Variants in NLGN4X observed in about 807,000 individuals in gnomAD.
NLGN4X encodes neuroligin 4 X-linked.
Under a neutral mutation model 40.3 loss-of-function variants are expected in NLGN4X, and 3 were observed. The observed-to-expected ratio is 0.07, with a 90% CI of 0.03 to 0.19. The LOEUF (loss-of-function observed/expected upper bound fraction) is 0.19, where lower values mean the gene tolerates loss of function less well. NLGN4X is among the 10% of genes least tolerant of loss of function. The pLI, the probability that NLGN4X is intolerant of heterozygous loss-of-function variation, is 1.00. For synonymous variants in NLGN4X, 270 were observed against 306.8 expected (o/e 0.88, Z 1.25); for missense variants, 382 against 708.3 (o/e 0.54, Z 5.23).
chrX:6,086,558 A>G (rs774897993), intron 2 of NLGN4X, among the ~76,000 whole-genome samples: 3 of 112,015 alleles, frequency 2.7e-5, no homozygotes, highest in Non-Finnish European at 5.6e-5. Flanking sequence ...ACAATCCATC[A>G]ATCTTTCTCC....
chrX:5,911,744 C>T (rs2032486486), intron 3 of NLGN4X, among the ~76,000 whole-genome samples: 1 of 112,074 alleles, frequency 8.9e-6, no homozygotes, highest in African/African-American at 3.2e-5. Context: ...TTGAAACCAC[C>T]TTTGCAAAAC....
At chrX:5,952,561 T>C (rs2034348177) in intron 3 of NLGN4X, among the ~76,000 whole-genome samples, 1 of 111,307 alleles carries the variant, frequency 9.0e-6, no homozygotes, top group African/African-American at 3.3e-5. Flanking sequence ...TAGACTTTAG[T>C]GTTAGTTATT....
chrX:6,190,387 G>A lies in NLGN4X; in HGVS notation c.-306+38154C>T, dbSNP rs186336192. Reference sequence around the variant, plus strand: ...GTGGTCTAAATTTTGACAAAAGTTTGGAAGCTACAACATTCAAATTGATAA... The same window carrying A: ...GTGGTCTAAATTTTGACAAAAGTTTAGAAGCTACAACATTCAAATTGATAA... On this transcript the variant is annotated intron_variant, in intron 1 of 5. Transcript: ENST00000381095. 1.8e-4 allele frequency among the ~76,000 whole-genome samples: 20 copies of A among 111,948 alleles called. No homozygotes were observed. The East Asian group carries it at 3.9e-3, about 22-fold the overall frequency.
chrX:5,980,364 G>A (rs957185643), intron 3 of NLGN4X, among the ~76,000 whole-genome samples: 2 of 109,383 alleles, frequency 1.8e-5, no homozygotes, highest in African/African-American at 6.6e-5. Flanking sequence ...TGTAGCATAA[G>A]CATTTTTTTA....
chrX:6,123,497 C>T (rs1050016602), intron 2 of NLGN4X, among the ~76,000 whole-genome samples: 2 of 111,162 alleles, frequency 1.8e-5, no homozygotes, highest in African/African-American at 6.5e-5. Context: ...AAAATTATTC[C>T]GAAGAAACAA....
intron 2 of NLGN4X, among the ~76,000 whole-genome samples, chrX:6,078,192 C>T (rs888358730): frequency 7.2e-5 from 8 of 111,836 alleles, no homozygotes; most frequent in Non-Finnish European, 9.4e-5. Flanking sequence ...TGATCACCAT[C>T]AGCAATTCTG....
intron 3 of NLGN4X, among the ~76,000 whole-genome samples, chrX:5,919,406 C>G (rs987963449): frequency 9.0e-6 from 1 of 111,718 alleles, no homozygotes; most frequent in Non-Finnish European, 1.9e-5. Flanking sequence ...TCACGTCAGT[C>G]AAGTCCGTGT....
At chrX:5,977,433 A>T (rs766063903) in intron 3 of NLGN4X, among the ~76,000 whole-genome samples, 1 of 110,104 alleles carries the variant, frequency 9.1e-6, no homozygotes, top group Non-Finnish European at 1.9e-5. Flanking sequence ...TGTTACCCAG[A>T]CTGGCCTCAA....
At chrX:5,953,472 G>A (rs776283807) in intron 3 of NLGN4X, among the ~76,000 whole-genome samples, 22 of 111,964 alleles carry the variant, frequency 2.0e-4, no homozygotes, top group Non-Finnish European at 3.4e-4. Flanking sequence ...GATTTGGAAT[G>A]TTCTTAACAC....
chrX:5,976,373 A>C (rs983342280), intron 3 of NLGN4X, among the ~76,000 whole-genome samples: 1 of 112,219 alleles, frequency 8.9e-6, no homozygotes, highest in Non-Finnish European at 1.9e-5. Context: ...ACAGAAGAAA[A>C]ATATAGAAAG....
rs1011701843 is a variant in NLGN4X at position 5,907,545 on chromosome X, T to C, written c.811+1509A>G. Among the ~76,000 whole-genome samples, 3 of 111,856 alleles carry C rather than the reference T, an allele frequency of 2.7e-5. No individual in the cohort carries two copies. In the Admixed American group the frequency reaches 2.9e-4, roughly 11 times the overall value. The stretch of plus-strand genomic sequence containing the variant: ...GCACATCTGGTTGGGTACGGGTGCC[T>C]ATGCTGACTACACGTTCAAGTGCAC... On this transcript the variant is annotated intron_variant, in intron 4 of 5. Transcript: ENST00000381095.
At chrX:5,921,136 T>C (rs1466621389) in intron 3 of NLGN4X, among the ~76,000 whole-genome samples, 1 of 56,317 alleles carries the variant, frequency 1.8e-5, no homozygotes, top group African/African-American at 9.5e-5. Context: ...GTATTTTTTA[T>C]ATATATATAT....
At chrX:5,912,728 G>A (rs1228437327) in intron 3 of NLGN4X, among the ~76,000 whole-genome samples, 2 of 106,606 alleles carry the variant, frequency 1.9e-5, no homozygotes, top group Non-Finnish European at 3.8e-5. Flanking sequence ...CTATCAATCT[G>A]TCTTCTTCTT....
At chrX:5,967,640 C>G (rs1014920095) in intron 3 of NLGN4X, among the ~76,000 whole-genome samples, 3 of 111,626 alleles carry the variant, frequency 2.7e-5, no homozygotes, top group Non-Finnish European at 3.8e-5. Flanking sequence ...TGGGAAAATG[C>G]TTCTAGTCAA....
At chrX:5,931,089 T>TCCACA (rs757600826) in intron 3 of NLGN4X, among the ~76,000 whole-genome samples, 1 of 111,994 alleles carries the variant, frequency 8.9e-6, no homozygotes, top group South Asian at 3.8e-4. Context: ...GTAAAAAAGC[T>TCCACA]CCACAATGGA....
chrX:6,003,838 TG>T (rs1354869220), intron 3 of NLGN4X, among the ~76,000 whole-genome samples: 1 of 111,963 alleles, frequency 8.9e-6, no homozygotes, highest in Non-Finnish European at 1.9e-5. Flanking sequence ...ACACTTCCTC[TG>T]GGTCTTCAGG....
intron 1 of NLGN4X, among the ~76,000 whole-genome samples, chrX:6,217,915 TG>T (rs928825740): frequency 8.9e-6 from 1 of 111,757 alleles, no homozygotes; most frequent in African/African-American, 3.2e-5. Context: ...GAAACCCAAA[TG>T]TAAGGGTTTT....
chrX:5,942,588 G>A (rs942861427), intron 3 of NLGN4X, among the ~76,000 whole-genome samples: 13 of 110,333 alleles, frequency 1.2e-4, no homozygotes, highest in African/African-American at 4.3e-4. Context: ...AGCTGAGGCA[G>A]AGGTTGCATT....
At chrX:5,924,579 T>C (rs939008175) in intron 3 of NLGN4X, among the ~76,000 whole-genome samples, 2 of 111,847 alleles carry the variant, frequency 1.8e-5, no homozygotes, top group African/African-American at 6.5e-5. Flanking sequence ...TTTAAAAGCA[T>C]TGGGTCACAA....
Sources: allele counts gnomAD v4.1 joint callset (sites outside exome capture counted in the v4.1 genomes callset), GRCh38; gene constraint gnomAD v4.1.1; transcripts MANE v1.5; gene names NCBI Gene and HGNC (gene_info 2026-07-23, HGNC 2026-07-21).